Variants in BACH2 observed in about 807,000 individuals in gnomAD.
The protein encoded by BACH2 is BACH transcriptional regulator 2.
In BACH2, 5 loss-of-function variants were observed where a neutral mutation model predicts 61.8. The observed-to-expected ratio is 0.08, with a 90% CI of 0.04 to 0.17. The LOEUF (loss-of-function observed/expected upper bound fraction) is 0.17, where lower values mean the gene tolerates loss of function less well. BACH2 is among the 10% of genes least tolerant of loss of function. The probability of loss-of-function intolerance (pLI) is 1.00; values close to 1 mark genes in which losing one functional copy is unlikely to be tolerated. For missense variants in BACH2, 824 were observed against 1,091.1 expected (o/e 0.76, Z 3.45); for synonymous variants, 446 against 440.1 (o/e 1.01, Z -0.17).
At chr6:90,212,776 A>G (rs1769401126) in intron 3 of BACH2, among the ~76,000 whole-genome samples, 1 of 152,198 alleles carries the variant, frequency 6.6e-6, no homozygotes, top group African/African-American at 2.4e-5. Context: ...TATAAATTAT[A>G]AAAGAGAGAC....
intron 2 of BACH2, among the ~76,000 whole-genome samples, chr6:90,253,495 T>C (rs1367743782): frequency 3.9e-5 from 6 of 152,210 alleles, no homozygotes; most frequent in Non-Finnish European, 8.8e-5. Context: ...CTGCATTTGA[T>C]GGGTGTTAAA....
chr6:90,103,006 CATAT>C (rs1250122835), intron 4 of BACH2, among the ~76,000 whole-genome samples: 3 of 44,938 alleles, frequency 6.7e-5, no homozygotes, highest in African/African-American at 4.7e-4. Flanking sequence ...TGACACAATA[CATAT>C]ATATATATAT....
chr6:89,991,488 C>A (rs1776562152), intron 6 of BACH2, among the ~76,000 whole-genome samples: 1 of 152,188 alleles, frequency 6.6e-6, no homozygotes, highest in African/African-American at 2.4e-5. Context: ...TGCACACACA[C>A]ACACACACAT....
chr6:90,164,535 A>G (rs1767537987), intron 4 of BACH2, among the ~76,000 whole-genome samples: 2 of 152,118 alleles, frequency 1.3e-5, no homozygotes, highest in South Asian at 2.1e-4. Flanking sequence ...TCAATAGAAA[A>G]AGAGGGAATC....
chr6:90,158,040 T>C (rs1204535008), intron 4 of BACH2, among the ~76,000 whole-genome samples: 3 of 151,906 alleles, frequency 2.0e-5, no homozygotes, highest in Non-Finnish European at 4.4e-5. Context: ...GATGAAGGGA[T>C]ATGGAGCTGC....
Position 89,937,590 on chromosome 6 carries a change from C to T in BACH2, c.2043+554G>A, listed in dbSNP as rs561585682. The stretch of plus-strand genomic sequence containing the variant: ...TATCACCCAGGCTGGAATGCAGTGG[C>T]GTGATCTCCACTCACTGCAACCTTC... On this transcript the variant is annotated intron_variant, in intron 8 of 8. Coordinates refer to ENST00000257749, the MANE Select transcript of BACH2 (RefSeq NM_021813.4). Among the ~76,000 whole-genome samples, 4 of 152,214 alleles carry T rather than the reference C, an allele frequency of 2.6e-5. No individual in the cohort carries two copies. In the South Asian group the frequency reaches 6.2e-4, roughly 24 times the overall value.
At chr6:90,166,263 T>A (rs905383933) in intron 4 of BACH2, among the ~76,000 whole-genome samples, 1 of 152,110 alleles carries the variant, frequency 6.6e-6, no homozygotes, top group African/African-American at 2.4e-5. Context: ...CAGACACTTC[T>A]CAAAAGAAGA....
intron 2 of BACH2, among the ~76,000 whole-genome samples, chr6:90,258,596 T>A (rs190252289): frequency 6.6e-6 from 1 of 152,350 alleles, no homozygotes; most frequent in Non-Finnish European, 1.5e-5. Context: ...TCTATTTCTG[T>A]GAAGAAGGTC....
At chr6:89,988,833 A>C (rs1776383148) in intron 6 of BACH2, among the ~76,000 whole-genome samples, 1 of 152,120 alleles carries the variant, frequency 6.6e-6, no homozygotes, top group Non-Finnish European at 1.5e-5. Context: ...GGACTGCCTA[A>C]CTCCTGGAGG....
At chr6:90,268,325 T>C (rs914136036) in intron 2 of BACH2, among the ~76,000 whole-genome samples, 1 of 152,146 alleles carries the variant, frequency 6.6e-6, no homozygotes, top group Non-Finnish European at 1.5e-5. Context: ...CTTTTATACA[T>C]GCAAGAAATG....
chr6:90,290,994 G>A (rs1477298730), intron 1 of BACH2, among the ~76,000 whole-genome samples: 1 of 152,186 alleles, frequency 6.6e-6, no homozygotes, highest in Non-Finnish European at 1.5e-5. Context: ...GGACAGGAGG[G>A]ACCTAGCAAC....
intron 2 of BACH2, among the ~76,000 whole-genome samples, chr6:90,256,661 C>A (rs1360783314): frequency 6.6e-6 from 1 of 152,116 alleles, no homozygotes; most frequent in African/African-American, 2.4e-5. Flanking sequence ...TTATGGTATA[C>A]AACGTGATGT....
chr6:90,175,955 T>A (rs1767971497), intron 4 of BACH2, among the ~76,000 whole-genome samples: 2 of 151,910 alleles, frequency 1.3e-5, no homozygotes, highest in Non-Finnish European at 2.9e-5. Context: ...CTACTTCAAC[T>A]AGCAATTCTA....
At chr6:90,134,109 C>G (rs905081957) in intron 4 of BACH2, among the ~76,000 whole-genome samples, 1 of 152,126 alleles carries the variant, frequency 6.6e-6, no homozygotes, top group Non-Finnish European at 1.5e-5. Flanking sequence ...CCTGAGGAAT[C>G]GCCACACTGA....
At chr6:90,195,695 GTTC>G (rs1449161758) in intron 4 of BACH2, among the ~76,000 whole-genome samples, 2 of 152,148 alleles carry the variant, frequency 1.3e-5, no homozygotes, top group Non-Finnish European at 2.9e-5. Flanking sequence ...ATGCCCCACT[GTTC>G]TTCTAAGAGC....
intron 4 of BACH2, among the ~76,000 whole-genome samples, chr6:90,109,325 C>T (rs1184701027): frequency 1.3e-5 from 2 of 152,120 alleles, no homozygotes; most frequent in African/African-American, 4.8e-5. Context: ...CTTCTTGTGG[C>T]TTCAGGGGCA....
chr6:90,021,923 C>G (rs1778397909), intron 5 of BACH2, among the ~76,000 whole-genome samples: 1 of 152,156 alleles, frequency 6.6e-6, no homozygotes, highest in Admixed American at 6.5e-5. Flanking sequence ...TGCCTGCATC[C>G]TAGTTAGTGC....
At chr6:90,212,293 A>T (rs2127852136) in intron 3 of BACH2, among the ~76,000 whole-genome samples, 1 of 152,292 alleles carries the variant, frequency 6.6e-6, no homozygotes, top group East Asian at 1.9e-4. Flanking sequence ...CAAAGAAACT[A>T]GACTCCTGCC....
chr6:90,277,793 C>G (rs2134814), intron 1 of BACH2, among the ~76,000 whole-genome samples: 39,556 of 152,188 alleles, frequency 0.26, 5,806 homozygotes, highest in Non-Finnish European at 0.34. Flanking sequence ...CTTAGCTTCT[C>G]TGGCTTCCAG....
Sources: allele counts gnomAD v4.1 joint callset (sites outside exome capture counted in the v4.1 genomes callset), GRCh38; gene constraint gnomAD v4.1.1; transcripts MANE v1.5; gene names NCBI Gene and HGNC (gene_info 2026-07-23, HGNC 2026-07-21).